VSIR: variants seen among roughly 807,000 people sequenced by gnomAD.
VSIR encodes the protein V-type immunoglobulin domain-containing suppressor of T-cell activation.
A neutral mutation model predicts 31.0 loss-of-function variants in VSIR; 10 were observed. The observed-to-expected ratio is 0.32, with a 90% CI of 0.20 to 0.55. The LOEUF (loss-of-function observed/expected upper bound fraction) is 0.55, where lower values mean the gene tolerates loss of function less well. VSIR is among the 20% of genes least tolerant of loss of function. The pLI, the probability that VSIR is intolerant of heterozygous loss-of-function variation, is 0.93. For missense variants in VSIR, 356 were observed against 416.2 expected, an observed-to-expected ratio of 0.86 and a Z score of 1.26; for synonymous variants, 179 against 180.1, an observed-to-expected ratio of 0.99 and a Z score of 0.05.
chr10:71,752,958 G>T lies in VSIR; in HGVS notation c.704+17C>A. On this transcript the variant is annotated intron_variant, in intron 5 of 6. Transcript: ENST00000394957. ...CGGCCCAGGAAGTTTTCTCAAGAAG[G>T]TCTCCATGGGCCTTACCTGTCCATC... The T allele has an allele frequency of 6.2e-7, 1 of 1,612,110 alleles. No individual in the cohort carries two copies. Among genetic ancestry groups the T allele is most frequent in the Non-Finnish European group, 8.5e-7 (1 of 1,178,952 alleles).
intron 3 of VSIR, among the ~76,000 whole-genome samples, chr10:71,760,022 TATATACACACACACAC>T (rs1564779652): frequency 0.02 from 1,654 of 80,992 alleles, 131 homozygotes; most frequent in East Asian, 0.1. Flanking sequence ...CACACACACA[TATATACACACACACAC>T]ATATATACAC....
rs148987018 is a variant in VSIR at position 71,748,119 on chromosome 10, C to T, written c.*3134G>A. The stretch of plus-strand genomic sequence containing the variant: ...CAGTCAGGCCAGCCCTGGGGAAGGC[C>T]TCATTCATGAGGCAGGACCCCAGGG... On this transcript the variant is annotated 3_prime_UTR_variant, in exon 7 of 7. Transcript: ENST00000394957. 7.2e-5 allele frequency: 11 copies of T among 152,160 alleles called. No homozygotes were observed. The highest frequency in any genetic ancestry group is 2.7e-4 in the African/African-American group (11 of 41,402). 9.4% of individuals were successfully genotyped at this position (152,160 alleles called of 1,614,324 possible). A position where few individuals can be genotyped will look rare whatever the true frequency, so the allele number is the denominator to read the frequency against.
rs776230069 is a variant in VSIR, at chr10:71,759,846, C to CACATACACACACACACACAT, written c.568+1021_568+1022insATGTGTGTGTGTGTGTATGT. On this transcript the variant is annotated intron_variant, in intron 3 of 6. Coordinates refer to ENST00000394957, the MANE Select transcript of VSIR (RefSeq NM_022153.2). ...ACACACACACACACACACACACACA[C>CACATACACACACACACACAT]ATATACACACACACACACATATATA... Among the ~76,000 whole-genome samples, 2 of 59,932 alleles carry CACATACACACACACACACAT rather than the reference C, an allele frequency of 3.3e-5. 1 individual carries two copies. Among genetic ancestry groups the CACATACACACACACACACAT allele is most frequent in the Non-Finnish European group, 6.9e-5 (2 of 29,058 alleles). 39.3% of individuals were successfully genotyped at this position (59,932 alleles called of 152,430 possible).
intron 4 of VSIR, among the ~76,000 whole-genome samples, chr10:71,754,783 T>C (rs945190252): frequency 1.3e-5 from 2 of 152,224 alleles, no homozygotes. Flanking sequence ...GGTGGACTTC[T>C]ATTCCCTGGA....
At chr10:71,752,284 T>G (rs1564775290) in intron 5 of VSIR, among the ~76,000 whole-genome samples, 1 of 152,198 alleles carries the variant, frequency 6.6e-6, no homozygotes, top group Non-Finnish European at 1.5e-5. Context: ...CTCTTCCCAG[T>G]TGGGAGTGGG....
chr10:71,764,581 C>A (rs1244310182), intron 1 of VSIR, among the ~76,000 whole-genome samples: 1 of 152,132 alleles, frequency 6.6e-6, no homozygotes. Context: ...AATGCTAAAC[C>A]AGCTTTCCCA....
At chr10:71,772,373 T>C (rs534293007) in intron 1 of VSIR, among the ~76,000 whole-genome samples, 1 of 152,296 alleles carries the variant, frequency 6.6e-6, no homozygotes, top group East Asian at 1.9e-4. Context: ...TCCGAGTCCC[T>C]GCATGACTCA....
At chr10:71,769,672 C>T (rs1045657957) in intron 1 of VSIR, among the ~76,000 whole-genome samples, 1 of 152,134 alleles carries the variant, frequency 6.6e-6, no homozygotes, top group African/African-American at 2.4e-5. Context: ...TGTTTGTGTT[C>T]CCATGATGAG....
chr10:71,759,536 G>A (rs1292149383), intron 3 of VSIR, among the ~76,000 whole-genome samples: 2 of 151,320 alleles, frequency 1.3e-5, no homozygotes, highest in Admixed American at 6.6e-5. Flanking sequence ...GAGGCCAGGC[G>A]TGGTGACTCA....
intron 1 of VSIR, among the ~76,000 whole-genome samples, chr10:71,773,078 C>G (rs1254808859): frequency 1.3e-5 from 2 of 150,754 alleles, no homozygotes; most frequent in Non-Finnish European, 2.9e-5. Context: ...GTTCTCTGGG[C>G]AGGGAAGGGC....
chr10:71,770,931 C>G (rs762743630), intron 1 of VSIR, among the ~76,000 whole-genome samples: 4 of 152,196 alleles, frequency 2.6e-5, no homozygotes, highest in Non-Finnish European at 4.4e-5. Context: ...CTGTTCCTCT[C>G]TACTCCAGAG....
At position 71,751,160 on chromosome 10, in the gene VSIR, G is replaced by A. The variant is rs1347199015; in HGVS notation, c.*93C>T. On this transcript the variant is annotated 3_prime_UTR_variant, in exon 7 of 7. Transcript: ENST00000394957. This position sits in a 1 kb window ranked among gnomAD's most constrained non-coding sequence, Gnocchi z 4.9. ...CCAGAGCAGGAGGGAGGGAACCAGG[G>A]CCGAGGCCAAGGAGGCCACTCACAG... 1.4e-6 allele frequency: 2 copies of A among 1,434,762 alleles called. No individual in the cohort carries two copies. Among genetic ancestry groups the A allele is most frequent in the East Asian group, 2.5e-5 (1 of 40,414 alleles). The allele number at this position is 1,434,762 out of a possible 1,614,324, so 88.9% of individuals were successfully genotyped here.
Position 71,751,671 on chromosome 10 carries a change from G to A in VSIR, c.895C>T (p.Leu299=), listed in dbSNP as rs1420901466. 1.3e-6 allele frequency: 2 copies of A among 1,529,528 alleles called. No individual in the cohort carries two copies. The highest frequency in any genetic ancestry group is 1.8e-6 in the Non-Finnish European group (2 of 1,139,552). 94.7% of individuals were successfully genotyped at this position (1,529,528 alleles called of 1,614,324 possible). A position where few individuals can be genotyped will look rare whatever the true frequency, so the allele number is the denominator to read the frequency against. ...PGPGDVFFPS[L]DPVPDSPNFE... is the part of the protein sequence containing the mutation. ...GTGAAGGTCAGGAAACACTTACCCA[G>A]GGATGGGAAGAAGACGTCTCCGGGG... The change falls in exon 6 of 7, where the codon CTG becomes TTG. Residue 299 remains leucine, a synonymous_variant. Coordinates refer to ENST00000394957, the MANE Select transcript of VSIR (RefSeq NM_022153.2). The surrounding 1 kb of genome is among the most constrained non-coding windows in gnomAD (Gnocchi z 4.9).
chr10:71,758,336 G>T (rs1840203290), intron 3 of VSIR, among the ~76,000 whole-genome samples: 1 of 152,220 alleles, frequency 6.6e-6, no homozygotes, highest in African/African-American at 2.4e-5. Flanking sequence ...TATCTCCAGG[G>T]CCTAGCAGGG....
intron 3 of VSIR, among the ~76,000 whole-genome samples, chr10:71,756,154 A>C (rs1840141187): frequency 6.6e-6 from 1 of 152,124 alleles, no homozygotes; most frequent in Admixed American, 6.5e-5. Context: ...TTAAACTACC[A>C]AAAAAAGTAC....
chr10:71,759,848 T>C (rs538599800), intron 3 of VSIR, among the ~76,000 whole-genome samples: 286 of 11,594 alleles, frequency 0.025, 9 homozygotes, highest in South Asian at 0.046. Flanking sequence ...CACACACACA[T>C]ATACACACAC....
rs1172371531 is a variant in VSIR, at chr10:71,760,262, TATATAC to T, written c.568+600_568+605del. On this transcript the variant is annotated intron_variant, in intron 3 of 6. Coordinates refer to ENST00000394957, the MANE Select transcript of VSIR (RefSeq NM_022153.2). ...ACATATATATGTATGTATATATATG[TATATAC>T]ATATATATGTATGTATATATGTGTA... Among the ~76,000 whole-genome samples the T allele has an allele frequency of 3.5e-5, 4 of 112,966 alleles. 1 individual carries two copies. Among genetic ancestry groups the T allele is most frequent in the East Asian group, 4.4e-4 (2 of 4,550 alleles). 74.1% of individuals were successfully genotyped at this position (112,966 alleles called of 152,430 possible). A position where few individuals can be genotyped will look rare whatever the true frequency, so the allele number is the denominator to read the frequency against.
intron 3 of VSIR, among the ~76,000 whole-genome samples, chr10:71,758,264 C>T (rs74363594): frequency 0.026 from 3,950 of 152,208 alleles, 160 homozygotes; most frequent in African/African-American, 0.09. Context: ...TTGTTGGGTC[C>T]GTGGTTTAGC....
intron 1 of VSIR, among the ~76,000 whole-genome samples, chr10:71,767,294 C>T (rs1303812754): frequency 6.6e-6 from 1 of 152,170 alleles, no homozygotes; most frequent in Non-Finnish European, 1.5e-5. Flanking sequence ...CATGACAGGG[C>T]GTGAGCTTAG....
Sources: allele counts gnomAD v4.1 joint callset (sites outside exome capture counted in the v4.1 genomes callset), GRCh38; gene constraint gnomAD v4.1.1; non-coding constraint Gnocchi (gnomAD v3.1); transcripts MANE v1.5; gene names NCBI Gene and HGNC (gene_info 2026-07-23, HGNC 2026-07-21).